ROBO1: variants seen among roughly 807,000 people sequenced by gnomAD.
ROBO1 encodes the protein roundabout guidance receptor 1.
A neutral mutation model predicts 195.9 loss-of-function variants in ROBO1; 149 were observed. The observed-to-expected ratio is 0.76, with a 90% CI of 0.67 to 0.87. The LOEUF (loss-of-function observed/expected upper bound fraction) is 0.87, where lower values mean the gene tolerates loss of function less well. ROBO1 is among the 40% of genes least tolerant of loss of function. ROBO1 has a pLI of 0.00. For missense variants in ROBO1, 1,933 were observed against 2,068.3 expected (o/e 0.93, Z 1.27); for synonymous variants, 816 against 733.2 (o/e 1.11, Z -1.82).
chr3:78,624,101 G>T (rs1704614433), intron 26 of ROBO1, among the ~76,000 whole-genome samples: 1 of 152,020 alleles, frequency 6.6e-6, no homozygotes, highest in Non-Finnish European at 1.5e-5. Context: ...TAAATAAAAA[G>T]ATAACAACGT....
chr3:79,533,926 G>A (rs974166148), intron 2 of ROBO1, among the ~76,000 whole-genome samples: 6 of 151,948 alleles, frequency 3.9e-5, no homozygotes, highest in African/African-American at 1.5e-4. Flanking sequence ...AATTAATGTA[G>A]CAGATGAAAT....
At chr3:79,001,037 C>T (rs537807149) in intron 3 of ROBO1, among the ~76,000 whole-genome samples, 1 of 152,064 alleles carries the variant, frequency 6.6e-6, no homozygotes, top group South Asian at 2.1e-4. Context: ...AACCAAACAC[C>T]GCATGTTCTC....
At chr3:79,209,030 TG>T (rs912178982) in intron 2 of ROBO1, among the ~76,000 whole-genome samples, 45 of 152,136 alleles carry the variant, frequency 3.0e-4, no homozygotes, top group Non-Finnish European at 6.0e-4. Context: ...TCAATAGTTT[TG>T]GGGGGAACAG....
At chr3:78,707,552 A>G (rs2081582391) in intron 8 of ROBO1, among the ~76,000 whole-genome samples, 1 of 152,250 alleles carries the variant, frequency 6.6e-6, no homozygotes, top group African/African-American at 2.4e-5. Flanking sequence ...ACTGTATTTT[A>G]TAGTTAAAAG....
At chr3:79,686,838 A>G (rs574979771) in intron 1 of ROBO1, among the ~76,000 whole-genome samples, 40 of 152,206 alleles carry the variant, frequency 2.6e-4, no homozygotes, top group African/African-American at 8.7e-4. Context: ...AGCTACCAAT[A>G]ACTTTCTTCA....
At chr3:79,136,933 T>G (rs562739463) in intron 2 of ROBO1, among the ~76,000 whole-genome samples, 9 of 152,202 alleles carry the variant, frequency 5.9e-5, no homozygotes, top group African/African-American at 2.2e-4. Flanking sequence ...AAGAAATCTA[T>G]GTACTGTAGA....
At chr3:78,701,731 A>T (rs896020493) in intron 8 of ROBO1, among the ~76,000 whole-genome samples, 4 of 152,000 alleles carry the variant, frequency 2.6e-5, no homozygotes, top group Non-Finnish European at 4.4e-5. Context: ...AAAACGGCCT[A>T]TCTATCAGGT....
intron 3 of ROBO1, among the ~76,000 whole-genome samples, chr3:79,074,208 A>T (rs760118077): frequency 2.6e-5 from 4 of 151,842 alleles, no homozygotes; most frequent in Non-Finnish European, 5.9e-5. Flanking sequence ...ATAACTTCCA[A>T]GTCAAGCACC....
chr3:79,314,121 C>G (rs902961991), intron 2 of ROBO1, among the ~76,000 whole-genome samples: 16 of 152,144 alleles, frequency 1.1e-4, no homozygotes, highest in Non-Finnish European at 2.9e-5. Context: ...CATGCTCCTC[C>G]TTTAAAGGTT....
At chr3:79,148,759 C>T (rs979468047) in intron 2 of ROBO1, among the ~76,000 whole-genome samples, 3 of 151,994 alleles carry the variant, frequency 2.0e-5, no homozygotes, top group Admixed American at 1.3e-4. Context: ...AACATTCATA[C>T]TCATTCCTAA....
At chr3:79,467,614 C>G (rs184231068) in intron 2 of ROBO1, among the ~76,000 whole-genome samples, 1 of 151,956 alleles carries the variant, frequency 6.6e-6, no homozygotes, top group African/African-American at 2.4e-5. Context: ...CACTCCATAC[C>G]CTTTTGGGCT....
At chr3:79,092,335 G>GT (rs930945260) in intron 3 of ROBO1, among the ~76,000 whole-genome samples, 18 of 152,114 alleles carry the variant, frequency 1.2e-4, no homozygotes, top group Non-Finnish European at 1.5e-4. Flanking sequence ...AGTTCAGAAA[G>GT]TTTTTTTACT....
intron 3 of ROBO1, among the ~76,000 whole-genome samples, chr3:79,031,567 A>T (rs904479047): frequency 3.3e-5 from 5 of 152,210 alleles, no homozygotes; most frequent in African/African-American, 1.2e-4. Context: ...TAGCTGGGTG[A>T]TGGTGGGTAA....
chr3:79,002,534 A>G (rs2077530056), intron 3 of ROBO1, among the ~76,000 whole-genome samples: 1 of 152,156 alleles, frequency 6.6e-6, no homozygotes, highest in Admixed American at 6.6e-5. Flanking sequence ...TTCACCAGTG[A>G]TAGTGTCAAA....
intron 1 of ROBO1, among the ~76,000 whole-genome samples, chr3:79,643,570 T>C (rs1402516320): frequency 2.0e-5 from 3 of 152,140 alleles, no homozygotes; most frequent in Non-Finnish European, 2.9e-5. Flanking sequence ...AGTTAAAGTA[T>C]AAAGTTGTTT....
chr3:79,469,033 A>G (rs1451371187), intron 2 of ROBO1, among the ~76,000 whole-genome samples: 1 of 152,166 alleles, frequency 6.6e-6, no homozygotes, highest in East Asian at 1.9e-4. Context: ...AATCTACTTA[A>G]CAACCTACTA....
chr3:79,661,459 A>G, intron 1 of ROBO1, among the ~76,000 whole-genome samples: 1 of 152,062 alleles, frequency 6.6e-6, no homozygotes. Flanking sequence ...AAAACCCAAG[A>G]GTTCTGCCCA....
At chr3:79,022,117 A>G (rs2078115314) in intron 3 of ROBO1, among the ~76,000 whole-genome samples, 2 of 152,120 alleles carry the variant, frequency 1.3e-5, no homozygotes, top group African/African-American at 4.8e-5. Flanking sequence ...TGTCTATTAT[A>G]TTGGTAAAGA....
chr3:79,173,363 CT>C (rs764067921), intron 2 of ROBO1, among the ~76,000 whole-genome samples: 1 of 152,106 alleles, frequency 6.6e-6, no homozygotes, highest in African/African-American at 2.4e-5. Flanking sequence ...GGAACCAGGG[CT>C]GCGCGCGGTG....
Sources: allele counts gnomAD v4.1 joint callset (sites outside exome capture counted in the v4.1 genomes callset), GRCh38; gene constraint gnomAD v4.1.1; transcripts MANE v1.5; gene names NCBI Gene and HGNC (gene_info 2026-07-23, HGNC 2026-07-21).